The following HTR1F variants were observed in gnomAD, a reference collection of about 807,000 sequenced individuals.
HTR1F encodes the protein 5-hydroxytryptamine (serotonin) receptor 1F, G protein-coupled.
Under a neutral mutation model 24.0 loss-of-function variants are expected in HTR1F, and 17 were observed. The ratio of observed to expected loss-of-function variants is 0.71; its 90% CI spans 0.48 to 1.06. HTR1F has a LOEUF of 1.06. HTR1F is among the 50% of genes least tolerant of loss of function. The probability of loss-of-function intolerance (pLI) is 0.00; values close to 1 mark genes in which losing one functional copy is unlikely to be tolerated. For synonymous variants in HTR1F, 186 were observed against 156.8 expected, an observed-to-expected ratio of 1.19 and a Z score of -1.39; for missense variants, 391 against 427.8, an observed-to-expected ratio of 0.91 and a Z score of 0.76.
intron 1 of HTR1F, among the ~76,000 whole-genome samples, chr3:87,801,315 C>G (rs1370794893): frequency 5.9e-5 from 9 of 152,148 alleles, no homozygotes. Context: ...AGTGTAGTAG[C>G]ACACTTATAG....
At chr3:87,937,555 C>A (rs546194184) in intron 2 of HTR1F, among the ~76,000 whole-genome samples, 7 of 152,214 alleles carry the variant, frequency 4.6e-5, no homozygotes, top group African/African-American at 1.4e-4. Flanking sequence ...AAAACCAGCA[C>A]AAGACAAAGA....
At chr3:87,946,167 C>A (rs1324235253) in intron 2 of HTR1F, among the ~76,000 whole-genome samples, 2 of 152,186 alleles carry the variant, frequency 1.3e-5, no homozygotes, top group Admixed American at 6.5e-5. Context: ...ATGGGCGCAT[C>A]GCTGGATCAG....
intron 2 of HTR1F, among the ~76,000 whole-genome samples, chr3:87,833,016 T>C (rs1183658049): frequency 6.6e-6 from 1 of 152,164 alleles, no homozygotes; most frequent in Non-Finnish European, 1.5e-5. Flanking sequence ...GGTCTGAGGG[T>C]CTTAACAACA....
Position 87,830,719 on chromosome 3 carries a change from GA to G in HTR1F, c.-43+8603del, listed in dbSNP as rs199655286. On this transcript the variant is annotated intron_variant, in intron 2 of 2. Transcript: ENST00000319595. ...ACAGAAAAATATTTTGGATGTTTTAGAAAAAAAATGTGTAGAATTAGAGAGC... is the reference window on the plus strand; with the variant it reads ...ACAGAAAAATATTTTGGATGTTTTAGAAAAAAATGTGTAGAATTAGAGAGC... 5.2e-3 allele frequency among the ~76,000 whole-genome samples: 796 copies of G among 151,964 alleles called. 8 individuals carry two copies. The highest frequency in any genetic ancestry group is 0.018 in the African/African-American group (742 of 41,488).
At chr3:87,939,551 A>C (rs1417750304) in intron 2 of HTR1F, among the ~76,000 whole-genome samples, 1 of 152,088 alleles carries the variant, frequency 6.6e-6, no homozygotes, top group African/African-American at 2.4e-5. Flanking sequence ...CAATTTCAGA[A>C]CTTGATACTG....
intron 2 of HTR1F, among the ~76,000 whole-genome samples, chr3:87,823,025 A>G (rs1304724139): frequency 1.3e-5 from 2 of 152,224 alleles, no homozygotes; most frequent in East Asian, 3.8e-4. Context: ...TAAGTTTTAT[A>G]TAAATGCACA....
At chr3:87,902,060 A>C (rs1706335932) in intron 2 of HTR1F, among the ~76,000 whole-genome samples, 2 of 152,088 alleles carry the variant, frequency 1.3e-5, no homozygotes, top group African/African-American at 4.8e-5. Flanking sequence ...AAATTGATCA[A>C]AATTATTTCA....
chr3:87,801,976 G>GCTTT (rs909151098), intron 1 of HTR1F, among the ~76,000 whole-genome samples: 9 of 151,422 alleles, frequency 5.9e-5, no homozygotes, highest in African/African-American at 1.9e-4. Flanking sequence ...GCATGGCTTT[G>GCTTT]CTTTCTTTCT....
At chr3:87,888,829 T>C (rs1706015792) in intron 2 of HTR1F, among the ~76,000 whole-genome samples, 1 of 152,178 alleles carries the variant, frequency 6.6e-6, no homozygotes, top group African/African-American at 2.4e-5. Flanking sequence ...CAGTACTTAC[T>C]TCAAAATAAG....
intron 2 of HTR1F, among the ~76,000 whole-genome samples, chr3:87,845,274 G>T (rs1375096645): frequency 6.6e-6 from 1 of 151,768 alleles, no homozygotes; most frequent in African/African-American, 2.4e-5. Context: ...ATTCAATTAG[G>T]AAAAGAGGAA....
At chr3:87,948,361 A>G (rs1576077344) in intron 2 of HTR1F, among the ~76,000 whole-genome samples, 4 of 152,216 alleles carry the variant, frequency 2.6e-5, no homozygotes, top group East Asian at 1.9e-4. Context: ...ATTTTATTGT[A>G]TCTAAAAATG....
chr3:87,818,120 C>A (rs1480809394), intron 1 of HTR1F, among the ~76,000 whole-genome samples: 3 of 152,150 alleles, frequency 2.0e-5, no homozygotes, highest in Admixed American at 6.5e-5. Context: ...AAGCTCTCAG[C>A]AAAGAGACTT....
At chr3:87,982,848 T>C (rs1309633524) in intron 2 of HTR1F, among the ~76,000 whole-genome samples, 1 of 152,168 alleles carries the variant, frequency 6.6e-6, no homozygotes, top group Non-Finnish European at 1.5e-5. Flanking sequence ...ATATAAAGGA[T>C]TGGAGAACAA....
At chr3:87,877,568 T>C (rs1705698241) in intron 2 of HTR1F, among the ~76,000 whole-genome samples, 1 of 152,148 alleles carries the variant, frequency 6.6e-6, no homozygotes, top group African/African-American at 2.4e-5. Context: ...TTATATCATA[T>C]CATTTTGACA....
intron 2 of HTR1F, among the ~76,000 whole-genome samples, chr3:87,857,049 A>G (rs1269221823): frequency 6.6e-6 from 1 of 152,052 alleles, no homozygotes; most frequent in Non-Finnish European, 1.5e-5. Context: ...GTATTTCTTT[A>G]TGATATGGCT....
At chr3:87,870,520 C>T (rs1241616436) in intron 2 of HTR1F, among the ~76,000 whole-genome samples, 1 of 152,046 alleles carries the variant, frequency 6.6e-6, no homozygotes, top group African/African-American at 2.4e-5. Context: ...CACAAACCAG[C>T]ACAGCTTGGT....
At chr3:87,859,378 T>C (rs1215209155) in intron 2 of HTR1F, among the ~76,000 whole-genome samples, 1 of 152,208 alleles carries the variant, frequency 6.6e-6, no homozygotes, top group Non-Finnish European at 1.5e-5. Context: ...CCAGCTGGTT[T>C]ACTAATATGT....
intron 2 of HTR1F, among the ~76,000 whole-genome samples, chr3:87,903,077 G>A (rs1576008511): frequency 1.3e-5 from 2 of 151,978 alleles, no homozygotes; most frequent in South Asian, 4.2e-4. Context: ...GCCATATGTA[G>A]AAAGCTGAAA....
rs1281626476 is a variant in HTR1F, at chr3:87,939,673, G to A, written c.-42-51035G>A. On this transcript the variant is annotated intron_variant, in intron 2 of 2. Coordinates refer to ENST00000319595, the MANE Select transcript of HTR1F (RefSeq NM_001322209.2). ...GTTTATTTGCATAGAGGTATTCTCGGATAGTAGTTTGTATTTCTGTGGGAT... is the reference window on the plus strand; with the variant it reads ...GTTTATTTGCATAGAGGTATTCTCGAATAGTAGTTTGTATTTCTGTGGGAT... Among the ~76,000 whole-genome samples, 26 of 152,160 alleles carry A rather than the reference G, an allele frequency of 1.7e-4. 1 individual carries two copies. Among genetic ancestry groups the A allele is most frequent in the Non-Finnish European group, 1.5e-5 (1 of 68,036 alleles).
Sources: allele counts gnomAD v4.1 joint callset (sites outside exome capture counted in the v4.1 genomes callset), GRCh38; gene constraint gnomAD v4.1.1; transcripts MANE v1.5; gene names NCBI Gene and HGNC (gene_info 2026-07-23, HGNC 2026-07-21).